PPP4R1: variants seen among roughly 807,000 people sequenced by gnomAD.
The protein encoded by PPP4R1 is protein phosphatase 4 regulatory subunit 1.
In PPP4R1, 42 loss-of-function variants were observed where a neutral mutation model predicts 111.2. The observed-to-expected ratio is 0.38, with a 90% CI of 0.29 to 0.49. The LOEUF (loss-of-function observed/expected upper bound fraction) is 0.49. Ranked by LOEUF, PPP4R1 falls within the 20% of genes least tolerant of loss-of-function variation. PPP4R1 has a pLI of 0.97. For synonymous variants in PPP4R1, 409 were observed against 405.5 expected (o/e 1.01, Z -0.10); for missense variants, 1,012 against 1,161.6 (o/e 0.87, Z 1.87).
At chr18:9,554,269 A>C (rs559189819) in intron 15 of PPP4R1, among the ~76,000 whole-genome samples, 115 of 152,008 alleles carry the variant, frequency 7.6e-4, no homozygotes, top group African/African-American at 2.6e-3. Context: ...CTGGGACTAC[A>C]GGCGCATGCC....
At chr18:9,558,238 A>G (rs1384217341) in intron 14 of PPP4R1, among the ~76,000 whole-genome samples, 1 of 152,162 alleles carries the variant, frequency 6.6e-6, no homozygotes, top group Admixed American at 6.5e-5. Context: ...AGTTCAACAT[A>G]TAAGACAGAT....
At chr18:9,586,079 A>G (rs910412347) in intron 6 of PPP4R1, among the ~76,000 whole-genome samples, 8 of 152,112 alleles carry the variant, frequency 5.3e-5, no homozygotes, top group African/African-American at 1.7e-4. Context: ...GTTATGCTGT[A>G]TATCACTGAT....
chr18:9,559,657 C>T (rs2066642202), intron 13 of PPP4R1, 53 bp from the exon 14 acceptor site: 1 of 1,353,666 alleles, frequency 7.4e-7, no homozygotes, highest in African/African-American at 1.5e-5. Flanking sequence ...GCATTTTGAG[C>T]AGTTTAGACA....
chr18:9,594,420 A>G (rs1377980474), intron 3 of PPP4R1, among the ~76,000 whole-genome samples: 1 of 152,222 alleles, frequency 6.6e-6, no homozygotes, highest in Non-Finnish European at 1.5e-5. Flanking sequence ...TTTGGTAAAA[A>G]GTCACCAAAA....
chr18:9,566,657 ACACACACACACAC>A, intron 11 of PPP4R1, among the ~76,000 whole-genome samples: 1 of 66,060 alleles, frequency 1.5e-5, no homozygotes, highest in South Asian at 5.5e-4. Flanking sequence ...TGACACACAC[ACACACACACACAC>A]ACACACACAC....
At chr18:9,574,451 A>G (rs1204136038) in intron 10 of PPP4R1, among the ~76,000 whole-genome samples, 1 of 152,232 alleles carries the variant, frequency 6.6e-6, no homozygotes, top group Non-Finnish European at 1.5e-5. Context: ...ATGAAGTTTT[A>G]GCATTCATGA....
chr18:9,611,879 C>G (rs2067585968), intron 2 of PPP4R1, among the ~76,000 whole-genome samples: 1 of 152,108 alleles, frequency 6.6e-6, no homozygotes. Context: ...GGCGTGGTGG[C>G]ACACGCCTGT....
intron 13 of PPP4R1, among the ~76,000 whole-genome samples, chr18:9,561,587 A>G (rs1347485770): frequency 6.6e-6 from 1 of 152,078 alleles, no homozygotes; most frequent in African/African-American, 2.4e-5. Flanking sequence ...ATTTTTTCAT[A>G]TTTTCATCTC....
intron 10 of PPP4R1, among the ~76,000 whole-genome samples, chr18:9,573,576 T>TTC (rs1256230149): frequency 1.2e-4 from 19 of 152,302 alleles, no homozygotes; most frequent in African/African-American, 1.7e-4. Flanking sequence ...TACTATCTAA[T>TTC]AAATACAATG....
At chr18:9,557,978 G>A (rs962180848) in intron 14 of PPP4R1, among the ~76,000 whole-genome samples, 2 of 152,156 alleles carry the variant, frequency 1.3e-5, no homozygotes, top group Admixed American at 6.5e-5. Context: ...TGTTTTTAAG[G>A]AATTGGCAAT....
chr18:9,604,547 G>A (rs1302584744), intron 2 of PPP4R1, among the ~76,000 whole-genome samples: 1 of 152,010 alleles, frequency 6.6e-6, no homozygotes, highest in East Asian at 1.9e-4. Flanking sequence ...TGTCTTATGT[G>A]GTTTCATCTG....
At position 9,547,928 on chromosome 18, in the gene PPP4R1, C is replaced by T. The variant is rs1487356372; in HGVS notation, c.2714G>A (p.Cys905Tyr). ...EKDYFLASASCHQEAVEQTIM... is the reference protein window; with the variant it reads ...EKDYFLASASYHQEAVEQTIM... ...GGTCTGCTCCACAGCCTCCTGGTGG[C>T]AGCTGGCAGAGGCCAAGAAATAGTC... Residue 905 changes from cysteine to tyrosine, a missense_variant, in exon 20 of 20, where the codon TGC (cysteine) becomes TAC (tyrosine). By Grantham distance (194) the Cys-to-Tyr change is radical. Around this residue, in one of 2 missense-constraint regions of PPP4R1, gnomAD observed 305 missense variants for 419.5 expected, o/e 0.73. Transcript: ENST00000400556. 3.1e-6 allele frequency: 5 copies of T among 1,613,878 alleles called. No individual in the cohort carries two copies. In the African/African-American group the frequency reaches 5.3e-5, roughly 17 times the overall value.
intron 2 of PPP4R1, among the ~76,000 whole-genome samples, chr18:9,609,018 G>C (rs1288709302): frequency 6.6e-6 from 1 of 151,750 alleles, no homozygotes; most frequent in Non-Finnish European, 1.5e-5. Flanking sequence ...GTAGCTACAG[G>C]CCCAAGCATA....
intron 2 of PPP4R1, among the ~76,000 whole-genome samples, chr18:9,597,148 TA>T (rs1007662427): frequency 6.6e-6 from 1 of 151,704 alleles, no homozygotes; most frequent in African/African-American, 2.4e-5. Flanking sequence ...CCCCATCTCT[TA>T]AAAAAAAGAT....
intron 10 of PPP4R1, among the ~76,000 whole-genome samples, chr18:9,571,841 G>A (rs903540112): frequency 6.6e-5 from 10 of 152,176 alleles, no homozygotes; most frequent in Non-Finnish European, 1.3e-4. Context: ...GCAGACCTCC[G>A]GAGTTCATCC....
intron 10 of PPP4R1, among the ~76,000 whole-genome samples, chr18:9,572,708 C>T (rs1317346989): frequency 1.3e-5 from 2 of 152,182 alleles, no homozygotes; most frequent in African/African-American, 4.8e-5. Context: ...CATGAAATTA[C>T]GAAGTTCCCT....
chr18:9,578,873 G>A (rs997882722), intron 9 of PPP4R1, among the ~76,000 whole-genome samples: 4 of 152,228 alleles, frequency 2.6e-5, no homozygotes, highest in South Asian at 2.1e-4. Flanking sequence ...CTGTATGCAC[G>A]AATTTAATCT....
rs926643566 is a variant in PPP4R1, at chr18:9,587,151, G to A, written c.585+938C>T. Among the ~76,000 whole-genome samples the A allele has an allele frequency of 2.2e-4, 33 of 152,136 alleles. 1 individual carries two copies. On this transcript the variant is annotated intron_variant, in intron 6 of 19. Coordinates refer to ENST00000400556, the MANE Select transcript of PPP4R1 (RefSeq NM_001042388.3). ...AGAAAAGTGTTCAATACCTACTGAA[G>A]GGGTTCAAGTGTTTCTTCGTTCAGT...
chr18:9,561,139 A>G (rs1422791480), intron 13 of PPP4R1, among the ~76,000 whole-genome samples: 1 of 150,680 alleles, frequency 6.6e-6, no homozygotes, highest in Non-Finnish European at 1.5e-5. Context: ...GAACTGCTTG[A>G]ACCCAGGAGG....
Sources: gnomAD v4.1 joint callset for allele counts (sites outside exome capture counted in the v4.1 genomes callset) on GRCh38, gnomAD v4.1.1 for gene constraint, gnomAD v4.1.1 regional missense constraint, MANE v1.5 for transcripts, NCBI Gene and HGNC (gene_info 2026-07-23, HGNC 2026-07-21) for gene names.